VTCN1: variants seen among roughly 807,000 people sequenced by gnomAD.
VTCN1 encodes the protein V-set domain containing T cell activation inhibitor 1.
Under a neutral mutation model 26.5 loss-of-function variants are expected in VTCN1, and 26 were observed. The observed-to-expected ratio is 0.98, with a 90% CI of 0.72 to 1.36. The LOEUF (loss-of-function observed/expected upper bound fraction) is 1.36, where lower values mean the gene tolerates loss of function less well. Among genes scored for constraint, VTCN1 ranks in the 40% most tolerant of loss-of-function variants. The probability of loss-of-function intolerance (pLI) is 0.00; values close to 1 mark genes in which losing one functional copy is unlikely to be tolerated. For synonymous variants in VTCN1, 116 were observed against 130.7 expected (o/e 0.89, Z 0.77); for missense variants, 298 against 337.7 (o/e 0.88, Z 0.92).
Position 117,161,523 on chromosome 1 carries a change from T to A in VTCN1, c.98-4602A>T, listed in dbSNP as rs1392587177. Among the ~76,000 whole-genome samples the A allele has an allele frequency of 6.6e-6, 1 of 152,196 alleles. No individual in the cohort carries two copies. Among genetic ancestry groups the A allele is most frequent in the Admixed American group, 6.5e-5 (1 of 15,278 alleles). On this transcript the variant is annotated intron_variant, in intron 2 of 5. Transcript: ENST00000369458. The surrounding 1 kb of genome is among the most constrained non-coding windows in gnomAD (Gnocchi z 4.3). ...TCTCTAATCTATCTCTGGAACTAGTTTGTGAGCTTTTCAAGAGCAGAAACT... is the reference window on the plus strand; with the variant it reads ...TCTCTAATCTATCTCTGGAACTAGTATGTGAGCTTTTCAAGAGCAGAAACT...
At chr1:117,176,573 G>A (rs1647365615) in intron 1 of VTCN1, among the ~76,000 whole-genome samples, 1 of 152,176 alleles carries the variant, frequency 6.6e-6, no homozygotes, top group Admixed American at 6.5e-5. Flanking sequence ...AGAACTGGGA[G>A]ATACCACATT....
intron 1 of VTCN1, among the ~76,000 whole-genome samples, chr1:117,192,012 TATAG>T (rs112616026): frequency 5.3e-5 from 8 of 150,698 alleles, no homozygotes; most frequent in South Asian, 2.1e-4. Context: ...TTAGGAGATA[TATAG>T]ATATATATAT....
intron 1 of VTCN1, among the ~76,000 whole-genome samples, chr1:117,194,221 C>T (rs1648396106): frequency 6.6e-6 from 1 of 152,080 alleles, no homozygotes; most frequent in South Asian, 2.1e-4. Context: ...CTTGAATACA[C>T]ATTTTTTTCA....
rs1647293534 is a variant in VTCN1 at position 117,175,642 on chromosome 1, T to C, written c.33-5471A>G. Among the ~76,000 whole-genome samples, 2 of 152,206 alleles carry C rather than the reference T, an allele frequency of 1.3e-5. No homozygotes were observed. Among genetic ancestry groups the C allele is most frequent in the Non-Finnish European group, 2.9e-5 (2 of 68,028 alleles). On this transcript the variant is annotated intron_variant, in intron 1 of 5. Coordinates refer to ENST00000369458, the MANE Select transcript of VTCN1 (RefSeq NM_024626.4). This position sits in a 1 kb window ranked among gnomAD's most constrained non-coding sequence, Gnocchi z 4.2. ...CAACGTCCATGTTGTCCTGCCATCA[T>C]TCCCGTTTTGCAACCACACATGAGC...
At chr1:117,176,787 T>G (rs1341537254) in intron 1 of VTCN1, among the ~76,000 whole-genome samples, 1 of 152,206 alleles carries the variant, frequency 6.6e-6, no homozygotes, top group African/African-American at 2.4e-5. Flanking sequence ...TTAAAGACAT[T>G]TACTTCAGCC....
intron 1 of VTCN1, among the ~76,000 whole-genome samples, chr1:117,187,642 T>C (rs369120789): frequency 4.7e-4 from 72 of 152,348 alleles, no homozygotes; most frequent in African/African-American, 1.7e-3. Flanking sequence ...AATTATCTGG[T>C]CACACATTTG....
chr1:117,207,012 A>G (rs1649104457), intron 1 of VTCN1, among the ~76,000 whole-genome samples: 1 of 152,102 alleles, frequency 6.6e-6, no homozygotes, highest in Admixed American at 6.6e-5. Context: ...CTGTGCTGAG[A>G]TCTCCTCAGC....
chr1:117,200,733 C>T (rs1046751341), intron 1 of VTCN1, among the ~76,000 whole-genome samples: 2 of 152,114 alleles, frequency 1.3e-5, no homozygotes, highest in Non-Finnish European at 2.9e-5. Context: ...CCAGCAAGGC[C>T]CTAGATGTCT....
chr1:117,159,638 G>GTATTGT lies in VTCN1; in HGVS notation c.98-2723_98-2718dup, dbSNP rs1652265347. Among the ~76,000 whole-genome samples, 1 of 152,158 alleles carries GTATTGT rather than the reference G, an allele frequency of 6.6e-6. No individual in the cohort carries two copies. The highest frequency in any genetic ancestry group is 2.4e-5 in the African/African-American group (1 of 41,422). ...TGCAAACTGTAATTACACATATAAG[G>GTATTGT]TATTGTTATTCTCAGTTAACCAGAA... On this transcript the variant is annotated intron_variant, in intron 2 of 5. Coordinates refer to ENST00000369458, the MANE Select transcript of VTCN1 (RefSeq NM_024626.4). This position sits in a 1 kb window ranked among gnomAD's most constrained non-coding sequence, Gnocchi z 4.7.
chr1:117,171,598 C>T (rs11803346), intron 1 of VTCN1, among the ~76,000 whole-genome samples: 7,414 of 152,096 alleles, frequency 0.049, 254 homozygotes, highest in South Asian at 0.083. Flanking sequence ...AAATGACACC[C>T]GGGAAACTAA....
rs1351835501 is a variant in VTCN1 at position 117,155,148 on chromosome 1, T to G, written c.445+1426A>C. The stretch of plus-strand genomic sequence containing the variant: ...GGTTGCCCCTCTGTTAGAATTCATC[T>G]GATGTTTTCTCCTGATTAGACTGAG... On this transcript the variant is annotated intron_variant, in intron 3 of 5. Coordinates refer to ENST00000369458, the MANE Select transcript of VTCN1 (RefSeq NM_024626.4). The surrounding 1 kb of genome is among the most constrained non-coding windows in gnomAD (Gnocchi z 4.8). 1.3e-5 allele frequency among the ~76,000 whole-genome samples: 2 copies of G among 152,232 alleles called. No individual in the cohort carries two copies. Among genetic ancestry groups the G allele is most frequent in the Non-Finnish European group, 1.5e-5 (1 of 68,044 alleles).
intron 3 of VTCN1, among the ~76,000 whole-genome samples, chr1:117,154,788 A>AAAAAAAAAAAAAAAAGAAAG (rs1651982616): frequency 2.0e-5 from 3 of 150,888 alleles, no homozygotes; most frequent in Admixed American, 2.0e-4. Context: ...CATCTCAAAA[A>AAAAAAAAAAAAAAAAGAAAG]AAAAAAAAAA....
At chr1:117,178,151 C>T (rs1647464886) in intron 1 of VTCN1, among the ~76,000 whole-genome samples, 1 of 151,978 alleles carries the variant, frequency 6.6e-6, no homozygotes, top group Non-Finnish European at 1.5e-5. Flanking sequence ...GTTGCCCAGG[C>T]TGGTCTCAAA....
Position 117,170,176 on chromosome 1 carries a change from G to A in VTCN1, c.33-5C>T, listed in dbSNP as rs183745227. Reference sequence around the variant, plus strand: ...ATAATGATGATGCTAATTATGCTACGGGAAGAGAGAGAGAAACAGAAAATT... The same window carrying A: ...ATAATGATGATGCTAATTATGCTACAGGAAGAGAGAGAGAAACAGAAAATT... On this transcript the variant is annotated splice_region_variant and splice_polypyrimidine_tract_variant and intron_variant, in intron 1 of 5. Transcript: ENST00000369458. 3,926 of 1,613,208 alleles carry A rather than the reference G, an allele frequency of 2.4e-3. 17 individuals carry two copies. The highest frequency in any genetic ancestry group is 5.6e-3 in the South Asian group (514 of 91,056).
chr1:117,185,810 C>G (rs1647912938), intron 1 of VTCN1, among the ~76,000 whole-genome samples: 1 of 151,620 alleles, frequency 6.6e-6, no homozygotes, highest in Non-Finnish European at 1.5e-5. Context: ...TTAAATCTAC[C>G]TGTGACCTTG....
rs7525852 is a variant in VTCN1 at position 117,176,000 on chromosome 1, C to T, written c.33-5829G>A. Among the ~76,000 whole-genome samples, 3,213 of 152,140 alleles carry T rather than the reference C, an allele frequency of 0.021. 100 individuals carry two copies. Among genetic ancestry groups the T allele is most frequent in the African/African-American group, 0.073 (3,029 of 41,482 alleles). On this transcript the variant is annotated intron_variant, in intron 1 of 5. Transcript: ENST00000369458. This position sits in a 1 kb window ranked among gnomAD's most constrained non-coding sequence, Gnocchi z 4.2. ...GGCCAGGCTGGTCTTGAACTCCTGA[C>T]CTCAGGTGATCCACCTGCCTCGGCC...
At chr1:117,152,617 A>T (rs1182874887) in intron 4 of VTCN1, among the ~76,000 whole-genome samples, 1 of 152,156 alleles carries the variant, frequency 6.6e-6, no homozygotes, top group Non-Finnish European at 1.5e-5. Context: ...CTCATGAGGG[A>T]TGAATAAAAC....
At chr1:117,197,704 T>C (rs1208682214) in intron 1 of VTCN1, among the ~76,000 whole-genome samples, 2 of 152,082 alleles carry the variant, frequency 1.3e-5, no homozygotes, top group Admixed American at 1.3e-4. Flanking sequence ...CATCTCTGCT[T>C]TTGTTGCTTC....
rs188399422 is a variant in VTCN1 at position 117,166,539 on chromosome 1, G to C, written c.97+3568C>G. Among the ~76,000 whole-genome samples, 686 of 151,694 alleles carry C rather than the reference G, an allele frequency of 4.5e-3. 9 individuals carry two copies. Among genetic ancestry groups the C allele is most frequent in the African/African-American group, 0.016 (661 of 41,330 alleles). The stretch of plus-strand genomic sequence containing the variant: ...GAAGGCCGAGGCGGGTGGATCACAA[G>C]GTCAGGAGATCTAGACCATCCTGGC... On this transcript the variant is annotated intron_variant, in intron 2 of 5. Coordinates refer to ENST00000369458, the MANE Select transcript of VTCN1 (RefSeq NM_024626.4).
Sources: gnomAD v4.1 joint callset for allele counts (sites outside exome capture counted in the v4.1 genomes callset) on GRCh38, gnomAD v4.1.1 for gene constraint, Gnocchi (gnomAD v3.1) non-coding constraint, MANE v1.5 for transcripts, NCBI Gene and HGNC (gene_info 2026-07-23, HGNC 2026-07-21) for gene names.